UGT1A9: variants seen among roughly 807,000 people sequenced by gnomAD.
The protein encoded by UGT1A9 is UDP glucuronosyltransferase family 1 member A9, also known as UDP-glucuronosyltransferase 1A9.
A neutral mutation model predicts 45.0 loss-of-function variants in UGT1A9; 35 were observed. That is an observed-to-expected ratio of 0.78 (90% CI 0.59 to 1.03). The LOEUF is 1.03. UGT1A9 is among the 50% of genes least tolerant of loss of function. The probability of loss-of-function intolerance (pLI) is 0.00; values close to 1 mark genes in which losing one functional copy is unlikely to be tolerated. For missense variants in UGT1A9, 687 were observed against 666.6 expected, an observed-to-expected ratio of 1.03 and a Z score of -0.34; for synonymous variants, 278 against 250.6, an observed-to-expected ratio of 1.11 and a Z score of -1.03.
At chr2:233,713,660 T>G (rs1362794385) in intron 1 of UGT1A9, 3 of 1,613,860 alleles carry the variant, frequency 1.9e-6, no homozygotes, top group Non-Finnish European at 2.5e-6. Context: ...TGTCCTACCT[T>G]TGCCATGCTG....
At chr2:233,693,838 C>T (rs1282452133) in intron 1 of UGT1A9, 2 of 1,614,176 alleles carry the variant, frequency 1.2e-6, no homozygotes, top group Non-Finnish European at 1.7e-6. Flanking sequence ...GAGGTATCAA[C>T]TGTAAGAAGA....
chr2:233,718,041 G>C, intron 1 of UGT1A9: 1 of 376,232 alleles, frequency 2.7e-6, no homozygotes, highest in South Asian at 2.0e-5. Flanking sequence ...TGGTGAGCAG[G>C]AGCTCCCTGA....
intron 1 of UGT1A9, chr2:233,713,713 G>A: frequency 6.2e-7 from 1 of 1,613,962 alleles, no homozygotes; most frequent in Non-Finnish European, 8.5e-7. Context: ...CTTTTTCAGA[G>A]AGAGGTGTCA....
At chr2:233,760,757 G>A (rs762472856) in intron 1 of UGT1A9, 14 of 1,613,946 alleles carry the variant, frequency 8.7e-6, no homozygotes, top group South Asian at 1.1e-5. Flanking sequence ...CTTCCTTGCA[G>A]CCCCATCGTG....
At chr2:233,747,990 G>C in intron 1 of UGT1A9, 1 of 1,613,472 alleles carries the variant, frequency 6.2e-7, no homozygotes, top group Non-Finnish European at 8.5e-7. Flanking sequence ...GTTCCGAGGG[G>C]ACTTTGTGAT....
intron 1 of UGT1A9, among the ~76,000 whole-genome samples, chr2:233,699,089 G>A (rs2075483565): frequency 6.6e-6 from 1 of 152,136 alleles, no homozygotes; most frequent in African/African-American, 2.4e-5. Flanking sequence ...CTCTAGCCCT[G>A]TGCACCTCAT....
At chr2:233,718,401 C>G (rs1023321432) in intron 1 of UGT1A9, among the ~76,000 whole-genome samples, 1 of 152,202 alleles carries the variant, frequency 6.6e-6, no homozygotes, top group Non-Finnish European at 1.5e-5. Flanking sequence ...TAGCAAATAG[C>G]GTCACATTCA....
At position 233,713,467 on chromosome 2, in the gene UGT1A9, C is replaced by T. The variant is rs754257180; in HGVS notation, c.855+40678C>T. The T allele has an allele frequency of 3.3e-5, 53 of 1,613,938 alleles. 1 individual carries two copies. Among genetic ancestry groups the T allele is most frequent in the South Asian group, 3.1e-4 (28 of 91,084 alleles). ...ACAGACCCCTTTCACCTCTGCGCGG[C>T]GGTGCTGGCTAAGTACCTGTCGATT... On this transcript the variant is annotated intron_variant, in intron 1 of 4. Coordinates refer to ENST00000354728, the MANE Select transcript of UGT1A9 (RefSeq NM_021027.3).
rs368834284 is a variant in UGT1A9 at position 233,743,991 on chromosome 2, G to A, written c.856-23043G>A. 42 of 1,251,932 alleles carry A rather than the reference G, an allele frequency of 3.4e-5. No individual in the cohort carries two copies. In the South Asian group the frequency reaches 3.7e-4, roughly 11 times the overall value. The allele number at this position is 1,251,932 out of a possible 1,614,324, so 77.6% of individuals were successfully genotyped here. On this transcript the variant is annotated intron_variant, in intron 1 of 4. Transcript: ENST00000354728. ...GCTGCCAGCACCCAGGCGCAGGCCC[G>A]AGTGCTCGGAGACCTGGGCCGCCTG...
intron 1 of UGT1A9, chr2:233,690,986 G>A (rs2075024139): frequency 1.0e-6 from 1 of 994,958 alleles, no homozygotes; most frequent in Admixed American, 5.8e-5. Context: ...ACCCACATAT[G>A]AGCAACAGGA....
intron 1 of UGT1A9, chr2:233,692,787 A>C (rs1444664842): frequency 1.5e-6 from 2 of 1,360,804 alleles, no homozygotes; most frequent in Non-Finnish European, 1.9e-6. Context: ...AGCTCAGGTG[A>C]AAGCTGACAC....
chr2:233,689,597 C>G (rs2074950775), intron 1 of UGT1A9, among the ~76,000 whole-genome samples: 1 of 152,146 alleles, frequency 6.6e-6, no homozygotes, highest in African/African-American at 2.4e-5. Flanking sequence ...GGAAGAGAAG[C>G]TTGGTTTAAA....
intron 1 of UGT1A9, among the ~76,000 whole-genome samples, chr2:233,750,023 T>C (rs1409167915): frequency 6.6e-6 from 1 of 152,000 alleles, no homozygotes; most frequent in African/African-American, 2.4e-5. Context: ...AGTGGAGTAC[T>C]GCTATAAAGA....
chr2:233,679,951 G>C (rs2074468099), intron 1 of UGT1A9, among the ~76,000 whole-genome samples: 1 of 152,036 alleles, frequency 6.6e-6, no homozygotes, highest in Non-Finnish European at 1.5e-5. Flanking sequence ...TGCGAGGTTT[G>C]GCTCCTGCTG....
chr2:233,682,173 C>T lies in UGT1A9; in HGVS notation c.855+9384C>T, dbSNP rs2074561075. 1.1e-5 allele frequency: 18 copies of T among 1,614,200 alleles called. No homozygotes were observed. The East Asian group carries it at 4.0e-4, about 36-fold the overall frequency. ...AATTGCACAGTGAAGACTTACTCAACCTCATACACTCTGGAGGATCAGGAC... is the reference window on the plus strand; with the variant it reads ...AATTGCACAGTGAAGACTTACTCAATCTCATACACTCTGGAGGATCAGGAC... On this transcript the variant is annotated intron_variant, in intron 1 of 4. Coordinates refer to ENST00000354728, the MANE Select transcript of UGT1A9 (RefSeq NM_021027.3).
At chr2:233,757,562 G>GTATATATATATA (rs1491042837) in intron 1 of UGT1A9, among the ~76,000 whole-genome samples, 1 of 90,870 alleles carries the variant, frequency 1.1e-5, no homozygotes, top group Non-Finnish European at 2.1e-5. Flanking sequence ...ATATATATAT[G>GTATATATATATA]TATATATGAT....
chr2:233,761,167 G>C, intron 1 of UGT1A9: 1 of 1,614,098 alleles, frequency 6.2e-7, no homozygotes. Flanking sequence ...TATTGGAGTG[G>C]GACTTTTACA....
rs1236460241 is a variant in UGT1A9 at position 233,729,022 on chromosome 2, G to T, written c.856-38012G>T. ...AGGGCACTCTGTCTTCCAATTACAC[G>T]TTGATTTGCTAAGTGGCTCAGTGAC... On this transcript the variant is annotated intron_variant, in intron 1 of 4. Transcript: ENST00000354728. The T allele has an allele frequency of 3.8e-6, 6 of 1,594,546 alleles. No individual in the cohort carries two copies. The East Asian group carries it at 1.1e-4, about 30-fold the overall frequency.
At chr2:233,755,333 G>T (rs878855763) in intron 1 of UGT1A9, 4 of 455,148 alleles carry the variant, frequency 8.8e-6, no homozygotes, top group Admixed American at 7.1e-5. Context: ...CAGCACCCGC[G>T]CACAGGTCAG....
Sources: allele counts gnomAD v4.1 joint callset (sites outside exome capture counted in the v4.1 genomes callset), GRCh38; gene constraint gnomAD v4.1.1; transcripts MANE v1.5; gene names NCBI Gene and HGNC (gene_info 2026-07-23, HGNC 2026-07-21).